The following CFAP276 variants were observed in gnomAD, a reference collection of about 807,000 sequenced individuals.
CFAP276 encodes cilia- and flagella-associated protein 276.
At chr1:109,111,278 G>A in the CFAP276 span, among the ~76,000 whole-genome samples, 218 of 152,214 alleles carry the variant, frequency 1.4e-3, 1 homozygote, top group Non-Finnish European at 1.7e-3. Context: ...ACCAGCCTGG[G>A]CAACAAAGGA....
At chr1:109,113,465 A>AGAGAGG in the CFAP276 span, among the ~76,000 whole-genome samples, 1 of 132,144 alleles carries the variant, frequency 7.6e-6, no homozygotes, top group Non-Finnish European at 1.6e-5. Context: ...AGAGAGAGAG[A>AGAGAGG]GAGGCCCACG....
At chr1:109,106,037 G>C in the CFAP276 span, 2 of 1,613,376 alleles carry the variant, frequency 1.2e-6, no homozygotes, top group Non-Finnish European at 8.5e-7. Context: ...ACTAGGTGGA[G>C]AAGAAGCCAC....
At chr1:109,106,863 C>A in the CFAP276 span, 3 of 854,606 alleles carry the variant, frequency 3.5e-6, no homozygotes, top group Non-Finnish European at 5.4e-6. Flanking sequence ...AATACAGAAA[C>A]TATATTATAG....
chr1:109,107,161 C>T, the CFAP276 span: 1 of 1,483,518 alleles, frequency 6.7e-7, no homozygotes, highest in Non-Finnish European at 9.4e-7. Context: ...GCTCAGCCAC[C>T]TGTGTCCCTG....
chr1:109,106,094 G>T, the CFAP276 span: 1 of 1,610,600 alleles, frequency 6.2e-7, no homozygotes, highest in Non-Finnish European at 8.5e-7. Flanking sequence ...CAGTGTGAGG[G>T]GACACTGTGG....
chr1:109,113,459 A>AGC, the CFAP276 span, among the ~76,000 whole-genome samples: 1 of 134,416 alleles, frequency 7.4e-6, no homozygotes, highest in Admixed American at 7.5e-5. Flanking sequence ...AGAGAGAGAG[A>AGC]GAGAGAGAGG....
chr1:109,106,305 C>T, the CFAP276 span, among the ~76,000 whole-genome samples: 1 of 152,138 alleles, frequency 6.6e-6, no homozygotes, highest in Non-Finnish European at 1.5e-5. Flanking sequence ...GTCTCCTAGA[C>T]CTAAGGCTGA....
At chr1:109,111,423 T>C in the CFAP276 span, among the ~76,000 whole-genome samples, 1 of 151,198 alleles carries the variant, frequency 6.6e-6, no homozygotes, top group African/African-American at 2.4e-5. Context: ...TAAGCCAAGA[T>C]TGCACCAGTG....
the CFAP276 span, among the ~76,000 whole-genome samples, chr1:109,112,386 G>T: frequency 3.8e-3 from 577 of 152,286 alleles, 7 homozygotes; most frequent in Non-Finnish European, 6.6e-3. Flanking sequence ...TGTTCCTCTA[G>T]ACTAGAACTC....
chr1:109,113,419 A>AGAGAG, the CFAP276 span, among the ~76,000 whole-genome samples: 1 of 37,636 alleles, frequency 2.7e-5, no homozygotes, highest in Non-Finnish European at 7.9e-5. Flanking sequence ...AGAGAGAAAG[A>AGAGAG]GAGAGAGAGA....
At chr1:109,112,598 C>T in the CFAP276 span, 11 of 1,550,526 alleles carry the variant, frequency 7.1e-6, no homozygotes, top group Non-Finnish European at 8.7e-6. Flanking sequence ...AACCACAGTA[C>T]CTTGGAAGCC....
the CFAP276 span, among the ~76,000 whole-genome samples, chr1:109,106,369 C>T: frequency 6.6e-6 from 1 of 152,140 alleles, no homozygotes; most frequent in African/African-American, 2.4e-5. Context: ...GTCAGCATGT[C>T]CCCTGGTATT....
the CFAP276 span, among the ~76,000 whole-genome samples, chr1:109,113,426 G>GAGAGAGAGAGAGAGAA: frequency 1.1e-5 from 1 of 90,480 alleles, no homozygotes; most frequent in Non-Finnish European, 2.5e-5. Context: ...AAGAGAGAGA[G>GAGAGAGAGAGAGAGAA]AGAGAGAGAG....
chr1:109,106,900 G>A, the CFAP276 span: 1 of 939,016 alleles, frequency 1.1e-6, no homozygotes, highest in Non-Finnish European at 1.6e-6. Flanking sequence ...ACAGAAATTT[G>A]TATACAAATG....
chr1:109,108,968 A>G, the CFAP276 span, among the ~76,000 whole-genome samples: 1 of 152,238 alleles, frequency 6.6e-6, no homozygotes, highest in Non-Finnish European at 1.5e-5. Flanking sequence ...ACTGGACATT[A>G]GTCCTCTCAA....
chr1:109,108,553 CA>C, the CFAP276 span, among the ~76,000 whole-genome samples: 2 of 152,144 alleles, frequency 1.3e-5, no homozygotes, highest in Admixed American at 1.3e-4. Flanking sequence ...CTGACAGAAA[CA>C]GGCCAGGAAT....
chr1:109,107,710 G>A, the CFAP276 span, among the ~76,000 whole-genome samples: 1 of 146,714 alleles, frequency 6.8e-6, no homozygotes, highest in African/African-American at 2.6e-5. Context: ...GCAACATATC[G>A]AGACCTCATC....
chr1:109,111,472 C>CAGAA, the CFAP276 span, among the ~76,000 whole-genome samples: 2 of 141,478 alleles, frequency 1.4e-5, no homozygotes, highest in East Asian at 4.2e-4. Context: ...GACCCTGTCT[C>CAGAA]AAAAAAAAAA....
At chr1:109,106,270 G>A in the CFAP276 span, among the ~76,000 whole-genome samples, 2 of 152,156 alleles carry the variant, frequency 1.3e-5, no homozygotes, top group African/African-American at 4.8e-5. Flanking sequence ...CCACCCCCAG[G>A]TTTTTGCCCT....
Sources: allele counts gnomAD v4.1 joint callset (sites outside exome capture counted in the v4.1 genomes callset), GRCh38; gene constraint gnomAD v4.1.1; transcripts MANE v1.5; gene names NCBI Gene and HGNC (gene_info 2026-07-23, HGNC 2026-07-21).